The following STK3 variants were observed in gnomAD, a reference collection of about 807,000 sequenced individuals.
STK3 encodes the protein serine/threonine kinase 3, also known as serine/threonine-protein kinase 3.
STK3 carries 41 observed loss-of-function variants against 58.0 expected under a neutral mutation model. That is an observed-to-expected ratio of 0.71 (90% CI 0.55 to 0.92). The LOEUF (loss-of-function observed/expected upper bound fraction) is 0.92. STK3 is among the 40% of genes least tolerant of loss of function. The pLI is 0.00. For missense variants in STK3, 479 were observed against 602.7 expected (o/e 0.79, Z 2.15); for synonymous variants, 170 against 191.0 (o/e 0.89, Z 0.91).
At chr8:98,694,955 A>G (rs1824744722) in intron 6 of STK3, among the ~76,000 whole-genome samples, 1 of 152,194 alleles carries the variant, frequency 6.6e-6, no homozygotes, top group Non-Finnish European at 1.5e-5. Context: ...GAACTAGTTT[A>G]CAGTCCCATC....
chr8:98,498,756 A>G (rs1823351089), intron 10 of STK3, among the ~76,000 whole-genome samples: 1 of 152,096 alleles, frequency 6.6e-6, no homozygotes, highest in Non-Finnish European at 1.5e-5. Context: ...ACACTCTACT[A>G]GTTATTTTCC....
Position 98,472,452 on chromosome 8 carries a change from C to T in STK3, c.1318-16452G>A, listed in dbSNP as rs558496691. ...TTATAATTGGCCACAGAGCCTGAGACCTAATATTTTTGAAATCATAATATA... is the reference window on the plus strand; with the variant it reads ...TTATAATTGGCCACAGAGCCTGAGATCTAATATTTTTGAAATCATAATATA... On this transcript the variant is annotated intron_variant, in intron 10 of 10. Coordinates refer to ENST00000419617, the MANE Select transcript of STK3 (RefSeq NM_006281.4). Among the ~76,000 whole-genome samples the T allele has an allele frequency of 2.6e-5, 4 of 152,220 alleles. No individual in the cohort carries two copies. In the South Asian group the frequency reaches 8.3e-4, roughly 32 times the overall value.
At chr8:98,460,957 T>A (rs570486954) in intron 10 of STK3, among the ~76,000 whole-genome samples, 1 of 152,332 alleles carries the variant, frequency 6.6e-6, no homozygotes, top group East Asian at 1.9e-4. Context: ...AAGAAGAATG[T>A]ATATTCTGCA....
chr8:98,906,313 G>C (rs1408152832), intron 1 of STK3: 5 of 152,578 alleles, frequency 3.3e-5, no homozygotes, highest in African/African-American at 1.2e-4. Context: ...AAATCTATGA[G>C]GGCAGAACTT....
chr8:98,836,390 G>T (rs1420091607), intron 3 of STK3, among the ~76,000 whole-genome samples: 1 of 152,214 alleles, frequency 6.6e-6, no homozygotes, highest in Non-Finnish European at 1.5e-5. Flanking sequence ...CTTTTGTAAG[G>T]GACAAATTCC....
chr8:98,368,547 T>C (rs1461931193), downstream of STK3, among the ~76,000 whole-genome samples: 1 of 152,158 alleles, frequency 6.6e-6, no homozygotes, highest in Non-Finnish European at 1.5e-5. Flanking sequence ...GCAGGTGACT[T>C]GCATATGCAC....
intron 3 of STK3, among the ~76,000 whole-genome samples, chr8:98,856,326 A>C (rs1372784555): frequency 6.6e-6 from 1 of 151,888 alleles, no homozygotes; most frequent in Non-Finnish European, 1.5e-5. Context: ...ATCTCAAAAA[A>C]AAAAAAAAAG....
rs951738241 is a variant in STK3, at chr8:98,576,624, G to A, written c.948+3040C>T. Among the ~76,000 whole-genome samples the A allele has an allele frequency of 1.3e-5, 2 of 152,072 alleles. 1 individual carries two copies. The highest frequency in any genetic ancestry group is 2.9e-5 in the Non-Finnish European group (2 of 68,018). On this transcript the variant is annotated intron_variant, in intron 8 of 10. Transcript: ENST00000419617. ...ACTCCACGGTTAAATTTATATTTTA[G>A]GTATTTCATTCTTTTGGATGCTATT...
chr8:98,370,153 C>G (rs1817596858), downstream of STK3, among the ~76,000 whole-genome samples: 1 of 149,838 alleles, frequency 6.7e-6, no homozygotes, highest in African/African-American at 2.5e-5. Context: ...CTCTAAGGCC[C>G]ATCAAGCCTC....
chr8:98,770,727 G>A (rs1341453292), intron 2 of STK3, among the ~76,000 whole-genome samples: 1 of 152,214 alleles, frequency 6.6e-6, no homozygotes, highest in Non-Finnish European at 1.5e-5. Flanking sequence ...TATTAGTGCA[G>A]GGGAAAGATG....
intron 2 of STK3, among the ~76,000 whole-genome samples, chr8:98,375,910 A>G (rs1817669736): frequency 1.3e-5 from 2 of 152,334 alleles, no homozygotes; most frequent in South Asian, 4.1e-4. Context: ...TTGTGTATGC[A>G]TACATTTTTA....
intron 7 of STK3, among the ~76,000 whole-genome samples, chr8:98,587,212 CCTG>C (rs1171184613): frequency 6.6e-6 from 1 of 152,002 alleles, no homozygotes; most frequent in African/African-American, 2.4e-5. Flanking sequence ...TTGGATCTTT[CCTG>C]CTTTCTCTTG....
chr8:98,563,634 G>A (rs1379277974), intron 8 of STK3, among the ~76,000 whole-genome samples: 7 of 152,056 alleles, frequency 4.6e-5, no homozygotes, highest in Non-Finnish European at 7.4e-5. Flanking sequence ...TATACAAGAT[G>A]AGCCTAGAAT....
At chr8:98,874,646 A>G (rs1362888756) in intron 3 of STK3, among the ~76,000 whole-genome samples, 1 of 151,858 alleles carries the variant, frequency 6.6e-6, no homozygotes, top group African/African-American at 2.4e-5. Context: ...TTGTTTTTGG[A>G]GACAAGTTCT....
In STK3 at chr8:98,800,774, G is replaced by A. The variant is rs1049388388; in HGVS notation, c.26+24741C>T. 1.2e-4 allele frequency among the ~76,000 whole-genome samples: 18 copies of A among 152,156 alleles called. No homozygotes were observed. Among genetic ancestry groups the A allele is most frequent in the African/African-American group, 3.4e-4 (14 of 41,432 alleles). On this transcript the variant is annotated intron_variant, in intron 1 of 10. Coordinates refer to ENST00000419617, the MANE Select transcript of STK3 (RefSeq NM_006281.4). This position sits in a 1 kb window ranked among gnomAD's most constrained non-coding sequence, Gnocchi z 4.8. The stretch of plus-strand genomic sequence containing the variant: ...GGGCACCGGGTACCCCAGCACTGCC[G>A]GCCCTCCCGCGCTGAGCTCGAATTC...
chr8:98,711,970 G>T (rs1235101944), intron 4 of STK3, among the ~76,000 whole-genome samples: 1 of 152,298 alleles, frequency 6.6e-6, no homozygotes, highest in African/African-American at 2.4e-5. Flanking sequence ...AGACAGGGGG[G>T]CCAATAGTCA....
chr8:98,552,426 T>G (rs531863364), intron 8 of STK3, among the ~76,000 whole-genome samples: 6 of 152,112 alleles, frequency 3.9e-5, no homozygotes, highest in Non-Finnish European at 8.8e-5. Context: ...TCTAGTAATA[T>G]CTGCCAATCC....
At chr8:98,565,187 G>A (rs1179108762) in intron 8 of STK3, among the ~76,000 whole-genome samples, 1 of 152,054 alleles carries the variant, frequency 6.6e-6, no homozygotes. Context: ...TGTTAGGAAG[G>A]TTTTTAAAAA....
intron 4 of STK3, among the ~76,000 whole-genome samples, chr8:98,711,108 G>A (rs1826387340): frequency 6.6e-6 from 1 of 152,098 alleles, no homozygotes; most frequent in African/African-American, 2.4e-5. Context: ...CAAACAGAAA[G>A]GACATCCACA....
Sources: gnomAD v4.1 joint callset for allele counts (sites outside exome capture counted in the v4.1 genomes callset) on GRCh38, gnomAD v4.1.1 for gene constraint, Gnocchi (gnomAD v3.1) non-coding constraint, MANE v1.5 for transcripts, NCBI Gene and HGNC (gene_info 2026-07-23, HGNC 2026-07-21) for gene names.